Variants in EFCC1 observed in about 807,000 individuals in gnomAD.
The protein encoded by EFCC1 is EF-hand and coiled-coil domain containing 1, also known as EF-hand and coiled-coil domain-containing protein 1.
In EFCC1, 50 loss-of-function variants were observed where a neutral mutation model predicts 52.1. The ratio of observed to expected loss-of-function variants is 0.96; its 90% CI spans 0.76 to 1.21. The LOEUF is 1.21. Ranked by LOEUF, EFCC1 falls within the 50% of genes most tolerant of loss-of-function variation. The probability of loss-of-function intolerance (pLI) is 0.00; values close to 1 mark genes in which losing one functional copy is unlikely to be tolerated. For synonymous variants in EFCC1, 399 were observed against 396.5 expected (o/e 1.01, Z -0.08); for missense variants, 837 against 867.3 (o/e 0.97, Z 0.44).
At chr3:129,008,381 C>T (rs1945168324) in intron 2 of EFCC1, among the ~76,000 whole-genome samples, 1 of 152,168 alleles carries the variant, frequency 6.6e-6, no homozygotes, top group African/African-American at 2.4e-5. Context: ...TGGAGGTCTC[C>T]TCTTCTTGAT....
intron 2 of EFCC1, among the ~76,000 whole-genome samples, chr3:129,028,921 G>T (rs1972301): frequency 6.6e-6 from 1 of 152,172 alleles, no homozygotes; most frequent in Admixed American, 6.5e-5. Flanking sequence ...GATTACAGGC[G>T]TGAGCCACTG....
At position 129,004,000 on chromosome 3, in the gene EFCC1, G is replaced by C; in HGVS notation, c.903G>C (p.Glu301Asp). Residue 301 changes from glutamate to aspartate, a missense_variant, in exon 2 of 8, where the codon GAG becomes GAC. Physicochemically the swap from Glu to Asp is conservative, Grantham distance 45. Coordinates refer to ENST00000683648, the MANE Select transcript of EFCC1 (RefSeq NM_001377500.1). ...VVLRSLHRVR[E>D]LEALAQQVPG... is the part of the protein sequence containing the mutation. ...TGCGCAGCCTGCACCGCGTGCGAGA[G>C]CTGGAGGCGCTGGCGCAACAGGTGC... 6 of 1,505,128 alleles carry C rather than the reference G, an allele frequency of 4.0e-6. No individual in the cohort carries two copies. Among genetic ancestry groups the C allele is most frequent in the Non-Finnish European group, 4.4e-6 (5 of 1,134,302 alleles). The allele number at this position is 1,505,128 out of a possible 1,614,324, so 93.2% of individuals were successfully genotyped here.
At chr3:129,035,200 A>C (rs1166456839) in intron 5 of EFCC1, among the ~76,000 whole-genome samples, 1 of 152,214 alleles carries the variant, frequency 6.6e-6, no homozygotes, top group Non-Finnish European at 1.5e-5. Context: ...GGCCTGATGA[A>C]GTCCTAGTTC....
intron 6 of EFCC1, among the ~76,000 whole-genome samples, chr3:129,037,400 T>G (rs1946371223): frequency 6.6e-6 from 1 of 152,046 alleles, no homozygotes. Flanking sequence ...GAAAGGAAAA[T>G]TATAAACTAA....
At chr3:129,031,309 T>C (rs912039145) in intron 3 of EFCC1, among the ~76,000 whole-genome samples, 2 of 152,180 alleles carry the variant, frequency 1.3e-5, no homozygotes, top group African/African-American at 2.4e-5. Context: ...CACATGCCTA[T>C]AGTCCCAGCT....
Position 129,005,983 on chromosome 3 carries a change from T to G in EFCC1, c.980+1906T>G, listed in dbSNP as rs73865536. Among the ~76,000 whole-genome samples, 695 of 152,402 alleles carry G rather than the reference T, an allele frequency of 4.6e-3. 5 individuals are homozygous for G. The highest frequency in any genetic ancestry group is 0.016 in the African/African-American group (674 of 41,602). ...TCTATAGCAGAATGCTACAAGTGACTACAAACATTGGCATAGCCCTTTACA... is the reference window on the plus strand; with the variant it reads ...TCTATAGCAGAATGCTACAAGTGACGACAAACATTGGCATAGCCCTTTACA... On this transcript the variant is annotated intron_variant, in intron 2 of 7. Coordinates refer to ENST00000683648, the MANE Select transcript of EFCC1 (RefSeq NM_001377500.1).
rs554038344 is a variant in EFCC1 at position 129,022,062 on chromosome 3, C to T, written c.981-8641C>T. Reference sequence around the variant, plus strand: ...CTGCTCTCACAGCACCCAGAACTCACCGTGTGCTGGTGTCTAAGCATTTAC... The same window carrying T: ...CTGCTCTCACAGCACCCAGAACTCATCGTGTGCTGGTGTCTAAGCATTTAC... On this transcript the variant is annotated intron_variant, in intron 2 of 7. Coordinates refer to ENST00000683648, the MANE Select transcript of EFCC1 (RefSeq NM_001377500.1). Among the ~76,000 whole-genome samples the T allele has an allele frequency of 3.7e-4, 56 of 152,318 alleles. No individual in the cohort carries two copies. The South Asian group carries it at 6.4e-3, about 17-fold the overall frequency.
chr3:129,006,351 C>CT (rs1263902698), intron 2 of EFCC1, among the ~76,000 whole-genome samples: 1 of 152,232 alleles, frequency 6.6e-6, no homozygotes, highest in Non-Finnish European at 1.5e-5. Context: ...CAGTCTTGCT[C>CT]TGTCACCCAG....
chr3:129,021,489 G>A (rs923123802), intron 2 of EFCC1, among the ~76,000 whole-genome samples: 2 of 152,132 alleles, frequency 1.3e-5, no homozygotes, highest in African/African-American at 2.4e-5. Context: ...CAGGAGAATC[G>A]CTTGAACCCG....
chr3:129,024,706 G>C (rs2107923440), intron 2 of EFCC1, among the ~76,000 whole-genome samples: 1 of 152,156 alleles, frequency 6.6e-6, no homozygotes, highest in Admixed American at 6.5e-5. Flanking sequence ...CCTGTATCTG[G>C]AGCCCACTCC....
chr3:129,033,393 C>A (rs774302317), intron 4 of EFCC1, among the ~76,000 whole-genome samples: 3 of 152,184 alleles, frequency 2.0e-5, no homozygotes, highest in Admixed American at 6.5e-5. Flanking sequence ...CCCAGGACAC[C>A]TGGGACACCT....
In EFCC1 at chr3:129,037,043, G is replaced by T. The variant is rs749892499; in HGVS notation, c.1519G>T (p.Glu507Ter). 1 of 1,613,820 alleles carries T rather than the reference G, an allele frequency of 6.2e-7. No homozygotes were observed. Among genetic ancestry groups the T allele is most frequent in the Non-Finnish European group, 8.5e-7 (1 of 1,179,984 alleles). Reference sequence around the variant, plus strand: ...GCTGGAGCTGCAGATGGTAGAGACCGAGAGGGTGCGGCTGTCCCTGCTGGA... The same window carrying T: ...GCTGGAGCTGCAGATGGTAGAGACCTAGAGGGTGCGGCTGTCCCTGCTGGA... ...LRLELQMVET[E>*]RVRLSLLEEK... is the part of the protein sequence containing the mutation. Residue 507 changes from glutamate to a stop codon, truncating the protein, a stop_gained, in exon 6 of 8, where the codon GAG becomes TAG. Coordinates refer to ENST00000683648, the MANE Select transcript of EFCC1 (RefSeq NM_001377500.1). LOFTEE classifies it high-confidence loss of function.
Position 129,032,823 on chromosome 3 carries a change from G to A in EFCC1, c.1143G>A (p.Val381=), listed in dbSNP as rs1238076308. ...SSGSRALDEA[V]DEQLFRSVEG... Reference sequence around the variant, plus strand: ...CCACATCCTGTGCTTCCCCAGCAGTGGACGAGCAGCTGTTCCGCTCCGTGG... The same window carrying A: ...CCACATCCTGTGCTTCCCCAGCAGTAGACGAGCAGCTGTTCCGCTCCGTGG... The change falls in exon 4 of 8, where the codon GTG becomes GTA. Residue 381 remains valine (V), a synonymous_variant. Transcript: ENST00000683648. 1.3e-6 allele frequency: 2 copies of A among 1,551,018 alleles called. No homozygotes were observed. The highest frequency in any genetic ancestry group is 8.7e-7 in the Non-Finnish European group (1 of 1,146,728).
At chr3:129,025,245 G>C (rs1043325365) in intron 2 of EFCC1, among the ~76,000 whole-genome samples, 1 of 152,208 alleles carries the variant, frequency 6.6e-6, no homozygotes, top group African/African-American at 2.4e-5. Context: ...ACACTGAGGA[G>C]AGAAGAGGTC....
rs1252128461 is a variant in EFCC1, at chr3:129,039,826, A to C, written c.1778A>C (p.Asn593Thr). 1.2e-5 allele frequency: 20 copies of C among 1,606,178 alleles called. No individual in the cohort carries two copies. The highest frequency in any genetic ancestry group is 1.5e-5 in the Non-Finnish European group (18 of 1,175,550). ...GCCTCTGCAGCAGCTGCGCTCACCA[A>C]CCCCCTCCTCGTCTCCTGCTGAGGT... ...APASAAAALT[N>T]PLLVSC is the part of the protein sequence containing the mutation. The change falls in exon 8 of 8, where the codon AAC becomes ACC. Residue 593 changes from asparagine to threonine, a missense_variant. Physicochemically the swap from Asn to Thr is moderately conservative, Grantham distance 65 (BLOSUM62 0). Transcript: ENST00000683648.
Position 129,012,582 on chromosome 3 carries a change from C to G in EFCC1, c.980+8505C>G, listed in dbSNP as rs559602159. On this transcript the variant is annotated intron_variant, in intron 2 of 7. Coordinates refer to ENST00000683648, the MANE Select transcript of EFCC1 (RefSeq NM_001377500.1). The stretch of plus-strand genomic sequence containing the variant: ...AGGAAAGAACGTGGATTGGCCCAGC[C>G]TGGGTCACAGCCCCACCTCCAGGCC... Among the ~76,000 whole-genome samples, 656 of 152,318 alleles carry G rather than the reference C, an allele frequency of 4.3e-3. 5 individuals carry two copies. Among genetic ancestry groups the G allele is most frequent in the South Asian group, 0.021 (102 of 4,824 alleles).
chr3:129,020,830 C>T (rs947787372), intron 2 of EFCC1, among the ~76,000 whole-genome samples: 10 of 152,220 alleles, frequency 6.6e-5, no homozygotes, highest in South Asian at 6.2e-4. Context: ...CACTTGCAGA[C>T]GGGAACCCTG....
At chr3:129,027,009 T>G (rs2107929194) in intron 2 of EFCC1, among the ~76,000 whole-genome samples, 1 of 152,286 alleles carries the variant, frequency 6.6e-6, no homozygotes, top group Non-Finnish European at 1.5e-5. Flanking sequence ...AGGGTCCTGT[T>G]TCTTTTGCCG....
intron 2 of EFCC1, among the ~76,000 whole-genome samples, chr3:129,017,318 G>A (rs1479227296): frequency 2.6e-5 from 4 of 152,244 alleles, no homozygotes; most frequent in Non-Finnish European, 4.4e-5. Flanking sequence ...TTGGATGGCT[G>A]AATTTGGTTT....
Sources: allele counts gnomAD v4.1 joint callset (sites outside exome capture counted in the v4.1 genomes callset), GRCh38; gene constraint gnomAD v4.1.1; transcripts MANE v1.5; gene names NCBI Gene and HGNC (gene_info 2026-07-23, HGNC 2026-07-21).